The following SLC26A7 variants were observed in gnomAD, a reference collection of about 807,000 sequenced individuals.
The protein encoded by SLC26A7 is anion exchange transporter.
In SLC26A7, 59 loss-of-function variants were observed where a neutral mutation model predicts 82.5. The observed-to-expected ratio is 0.72, with a 90% CI of 0.58 to 0.89. The LOEUF is 0.89. SLC26A7 is among the 40% of genes least tolerant of loss of function. SLC26A7 has a pLI of 0.00. For synonymous variants in SLC26A7, 271 were observed against 274.3 expected (o/e 0.99, Z 0.12); for missense variants, 820 against 793.0 (o/e 1.03, Z -0.41).
intron 4 of SLC26A7, among the ~76,000 whole-genome samples, chr8:91,315,439 C>G (rs1812600953): frequency 1.4e-5 from 2 of 147,384 alleles, no homozygotes; most frequent in Admixed American, 6.8e-5. Flanking sequence ...ACCAACTGAC[C>G]ACGAATCAAG....
chr8:91,358,206 T>A (rs977196887), intron 11 of SLC26A7, among the ~76,000 whole-genome samples: 15 of 152,180 alleles, frequency 9.9e-5, no homozygotes, highest in Admixed American at 8.5e-4. Context: ...GTGTGGCAAT[T>A]CTTCAGGGAT....
intron 4 of SLC26A7, among the ~76,000 whole-genome samples, chr8:91,307,141 A>G (rs1165962014): frequency 3.7e-4 from 48 of 130,514 alleles, no homozygotes; most frequent in Non-Finnish European, 7.4e-4. Context: ...TTAAAAAGTC[A>G]GGAAACAACA....
Position 91,330,164 on chromosome 8 carries a change from G to T in SLC26A7, c.643-4131G>T, listed in dbSNP as rs187784197. Among the ~76,000 whole-genome samples the T allele has an allele frequency of 9.9e-5, 15 of 152,202 alleles. No individual in the cohort carries two copies. In the East Asian group the frequency reaches 2.9e-3, roughly 29 times the overall value. ...TTCTTTTGTTATTGTCATTTTAACTGTATGGATAAAAGGGGGTCTGGATAG... is the reference window on the plus strand; with the variant it reads ...TTCTTTTGTTATTGTCATTTTAACTTTATGGATAAAAGGGGGTCTGGATAG... On this transcript the variant is annotated intron_variant, in intron 5 of 18. Transcript: ENST00000276609.
chr8:91,359,471 A>G (rs1813984414), intron 11 of SLC26A7, among the ~76,000 whole-genome samples: 1 of 152,176 alleles, frequency 6.6e-6, no homozygotes, highest in African/African-American at 2.4e-5. Context: ...AAAATTGCTT[A>G]AGAGCTTAGA....
chr8:91,298,615 T>C (rs1026309319), intron 4 of SLC26A7, among the ~76,000 whole-genome samples: 2 of 152,100 alleles, frequency 1.3e-5, no homozygotes, highest in Non-Finnish European at 2.9e-5. Flanking sequence ...AAAAATGAAT[T>C]ATCTATTCAG....
intron 6 of SLC26A7, among the ~76,000 whole-genome samples, chr8:91,334,988 A>C (rs1185568783): frequency 2.6e-5 from 4 of 152,166 alleles, no homozygotes; most frequent in Non-Finnish European, 4.4e-5. Flanking sequence ...AAAGCAATAC[A>C]TTACATTTTG....
intron 15 of SLC26A7, among the ~76,000 whole-genome samples, chr8:91,379,935 G>A (rs1303831064): frequency 1.3e-5 from 2 of 151,786 alleles, no homozygotes; most frequent in Non-Finnish European, 2.9e-5. Flanking sequence ...AAATCAACGA[G>A]TAAAAAAAGG....
chr8:91,329,341 G>A (rs775567237), intron 5 of SLC26A7, among the ~76,000 whole-genome samples: 4 of 151,972 alleles, frequency 2.6e-5, no homozygotes, highest in Non-Finnish European at 5.9e-5. Context: ...TCTCTCTGTG[G>A]GTCCACATGA....
intron 3 of SLC26A7, among the ~76,000 whole-genome samples, chr8:91,292,644 G>A (rs1811904308): frequency 6.6e-6 from 1 of 151,880 alleles, no homozygotes; most frequent in African/African-American, 2.4e-5. Flanking sequence ...ATCTTTAAAA[G>A]TAAACAATTC....
At chr8:91,366,427 A>C (rs1454382180) in intron 13 of SLC26A7, among the ~76,000 whole-genome samples, 153 bp from the exon 14 acceptor site, 2 of 152,204 alleles carry the variant, frequency 1.3e-5, no homozygotes, top group African/African-American at 4.8e-5. Context: ...CCCCTAAGGA[A>C]GTGTGATAGT....
chr8:91,367,577 A>G (rs947980690), intron 14 of SLC26A7, among the ~76,000 whole-genome samples: 4 of 151,906 alleles, frequency 2.6e-5, no homozygotes, highest in African/African-American at 9.7e-5. Flanking sequence ...TTTGAGGCCA[A>G]CTGCCTGGGT....
At position 91,281,192 on chromosome 8, in the gene SLC26A7, A is replaced by G. The variant is rs76993463; in HGVS notation, c.194-7944A>G. On this transcript the variant is annotated intron_variant, in intron 2 of 18. Coordinates refer to ENST00000276609, the MANE Select transcript of SLC26A7 (RefSeq NM_052832.4). Reference sequence around the variant, plus strand: ...AAGTGATAAAGATTCAAAGATATATAAAAAAACACCAGTAGCCCTCTTTTT... The same window carrying G: ...AAGTGATAAAGATTCAAAGATATATGAAAAAACACCAGTAGCCCTCTTTTT... Among the ~76,000 whole-genome samples, 675 of 152,342 alleles carry G rather than the reference A, an allele frequency of 4.4e-3. 5 individuals are homozygous for G. Among genetic ancestry groups the G allele is most frequent in the African/African-American group, 0.016 (657 of 41,582 alleles).
chr8:91,231,393 C>A (rs111985368), intron 2 of SLC26A7, among the ~76,000 whole-genome samples: 1 of 152,036 alleles, frequency 6.6e-6, no homozygotes, highest in Admixed American at 6.6e-5. Context: ...TCTCAGATAG[C>A]AAAAATACAG....
intron 9 of SLC26A7, among the ~76,000 whole-genome samples, chr8:91,345,569 A>C (rs973800604): frequency 6.6e-6 from 1 of 152,210 alleles, no homozygotes; most frequent in African/African-American, 2.4e-5. Flanking sequence ...TTATTTAGAA[A>C]ATAATTAAAT....
intron 1 of SLC26A7, among the ~76,000 whole-genome samples, chr8:91,213,374 C>T (rs1809972091): frequency 6.6e-6 from 1 of 152,078 alleles, no homozygotes; most frequent in Non-Finnish European, 1.5e-5. Context: ...CAGGACTGTC[C>T]TTGGCAAATC....
intron 18 of SLC26A7, chr8:91,394,356 T>C: frequency 1.3e-6 from 2 of 1,563,778 alleles, no homozygotes; most frequent in Non-Finnish European, 1.7e-6. Context: ...CCTGGGGACT[T>C]GAATCCACCT....
intron 2 of SLC26A7, among the ~76,000 whole-genome samples, chr8:91,263,282 G>A (rs1265688983): frequency 6.6e-6 from 1 of 152,022 alleles, no homozygotes; most frequent in East Asian, 1.9e-4. Flanking sequence ...TTGGAAATCT[G>A]TTATAATGGT....
chr8:91,330,436 A>T (rs1048819219), intron 5 of SLC26A7, among the ~76,000 whole-genome samples: 3 of 152,120 alleles, frequency 2.0e-5, no homozygotes, highest in Non-Finnish European at 2.9e-5. Context: ...AATTCTTTTG[A>T]TCCATTGTCT....
chr8:91,294,586 T>A (rs1456272903), intron 3 of SLC26A7, among the ~76,000 whole-genome samples: 1 of 152,122 alleles, frequency 6.6e-6, no homozygotes, highest in African/African-American at 2.4e-5. Flanking sequence ...CAAAGTAAGA[T>A]CTTCAAGTAA....
Sources: gnomAD v4.1 joint callset for allele counts (sites outside exome capture counted in the v4.1 genomes callset) on GRCh38, gnomAD v4.1.1 for gene constraint, MANE v1.5 for transcripts, NCBI Gene and HGNC (gene_info 2026-07-23, HGNC 2026-07-21) for gene names.